Variants in PFKFB4 observed in about 807,000 individuals in gnomAD.
PFKFB4 encodes the protein 6-phosphofructo-2-kinase/fructose-2,6-bisphosphatase 4.
In PFKFB4, 42 loss-of-function variants were observed where a neutral mutation model predicts 62.8. That is an observed-to-expected ratio of 0.67 (90% CI 0.52 to 0.86). The LOEUF (loss-of-function observed/expected upper bound fraction) is 0.86. Among genes scored for constraint, PFKFB4 ranks in the 40% least tolerant of loss-of-function variants. PFKFB4 has a pLI of 0.00. For missense variants in PFKFB4, 475 were observed against 627.2 expected (o/e 0.76, Z 2.59); for synonymous variants, 204 against 240.7 (o/e 0.85, Z 1.41).
chr3:48,537,430 C>T (rs1036151632), intron 7 of PFKFB4, among the ~76,000 whole-genome samples: 1 of 151,608 alleles, frequency 6.6e-6, no homozygotes, highest in Non-Finnish European at 1.5e-5. Flanking sequence ...TGGGCTGGCT[C>T]TAGAACCCAG....
At chr3:48,555,632 C>T (rs1284898679) in intron 1 of PFKFB4, among the ~76,000 whole-genome samples, 5 of 152,158 alleles carry the variant, frequency 3.3e-5, no homozygotes, top group Non-Finnish European at 7.3e-5. Context: ...CCAGGACCCA[C>T]GCCTGTAATC....
At chr3:48,535,296 C>T (rs1480150646) in intron 9 of PFKFB4, among the ~76,000 whole-genome samples, 1 of 152,048 alleles carries the variant, frequency 6.6e-6, no homozygotes, top group Non-Finnish European at 1.5e-5. Context: ...GTTGAGGTGT[C>T]AACTCCCAGG....
chr3:48,540,776 ATT>A (rs34769393), intron 4 of PFKFB4, among the ~76,000 whole-genome samples: 38 of 136,542 alleles, frequency 2.8e-4, no homozygotes, highest in African/African-American at 4.9e-4. Flanking sequence ...TACCTGGCTA[ATT>A]TTTTTTTTTT....
chr3:48,549,911 A>C lies in PFKFB4; in HGVS notation c.264T>G (p.Ser88=). 6.2e-7 allele frequency: 1 copy of C among 1,613,868 alleles called. No homozygotes were observed. The highest frequency in any genetic ancestry group is 1.1e-5 in the South Asian group (1 of 91,086). Residue 88 remains serine (S), a synonymous_variant, in exon 3 of 14, where the codon TCT becomes TCG. Transcript: ENST00000232375. ...CATTGTCGGGGAGAAAAAATTCAAAAGATTTGTAGGTCTTGACCACGTCCC... is the reference window on the plus strand; with the variant it reads ...CATTGTCGGGGAGAAAAAATTCAAACGATTTGTAGGTCTTGACCACGTCCC... ...YRRDVVKTYK[S]FEFFLPDNEE...
intron 4 of PFKFB4, among the ~76,000 whole-genome samples, chr3:48,541,902 T>A (rs1296930770): frequency 1.3e-5 from 2 of 152,036 alleles, no homozygotes; most frequent in Non-Finnish European, 2.9e-5. Flanking sequence ...GGAGACAGGC[T>A]GCAGTGAGCT....
intron 9 of PFKFB4, among the ~76,000 whole-genome samples, chr3:48,534,978 T>C (rs146750281): frequency 4.7e-4 from 72 of 152,020 alleles, no homozygotes; most frequent in Non-Finnish European, 8.7e-4. Context: ...CTGGCTAATT[T>C]TTGTATTTTC....
chr3:48,559,577 G>A (rs770272127), upstream of PFKFB4: 34 of 456,902 alleles, frequency 7.4e-5, no homozygotes, highest in Non-Finnish European at 5.7e-5. Flanking sequence ...CAGCATCAGC[G>A]GATGCCCGGT....
At chr3:48,542,706 G>C (rs193177814) in intron 4 of PFKFB4, among the ~76,000 whole-genome samples, 2 of 152,186 alleles carry the variant, frequency 1.3e-5, no homozygotes, top group Non-Finnish European at 2.9e-5. Flanking sequence ...AAATCAGAAT[G>C]ACATGAGACT....
chr3:48,562,870 G>T (rs1388853531), upstream of PFKFB4: 4 of 1,597,870 alleles, frequency 2.5e-6, no homozygotes, highest in South Asian at 2.3e-5. This position sits in a 1 kb window ranked among gnomAD's most constrained non-coding sequence, Gnocchi z 4.3. Context: ...GCTCCAGTAA[G>T]ATCTGCAAGA....
chr3:48,523,963 G>A, intron 10 of PFKFB4, 133 bp from the exon 11 acceptor site: 1 of 1,024,940 alleles, frequency 9.8e-7, no homozygotes. Context: ...GCCTCCTCCA[G>A]CCTAGCCTTC....
chr3:48,541,982 A>G (rs2042813029), intron 4 of PFKFB4, among the ~76,000 whole-genome samples: 1 of 152,104 alleles, frequency 6.6e-6, no homozygotes, highest in African/African-American at 2.4e-5. Flanking sequence ...AAAAAACAAC[A>G]ACACTCATAT....
upstream of PFKFB4, among the ~76,000 whole-genome samples, chr3:48,561,410 T>G (rs2043432203): frequency 6.6e-6 from 1 of 152,200 alleles, no homozygotes; most frequent in Non-Finnish European, 1.5e-5. This position sits in a 1 kb window ranked among gnomAD's most constrained non-coding sequence, Gnocchi z 5.2. Flanking sequence ...CAGCCCAGAG[T>G]GCCTGCCCCC....
upstream of PFKFB4, chr3:48,562,485 C>G: frequency 2.3e-6 from 1 of 439,958 alleles, no homozygotes; most frequent in East Asian, 3.9e-5. The surrounding 1 kb of genome is among the most constrained non-coding windows in gnomAD (Gnocchi z 4.3). Flanking sequence ...CCAAGCTGTC[C>G]GGACATATAT....
rs1005360359 is a variant in PFKFB4 at position 48,522,004 on chromosome 3, C to T, written c.1332G>A (p.Thr444=). ...TTGCTACCTGAGGCCTGTCCCGGTG[C>T]GTGTTCACAGCAGCCACGTTCAGGA... The part of the protein sequence containing the change: ...SIFLNVAAVN[T]HRDRPQNVDI... Residue 444 remains threonine, a synonymous_variant, in exon 13 of 14, where the codon ACG becomes ACA. Coordinates refer to ENST00000232375, the MANE Select transcript of PFKFB4 (RefSeq NM_004567.4). 7 of 1,613,948 alleles carry T rather than the reference C, an allele frequency of 4.3e-6. No homozygotes were observed. The highest frequency in any genetic ancestry group is 3.3e-4 in the Middle Eastern group (2 of 6,082).
Position 48,556,625 on chromosome 3 carries a change from C to T in PFKFB4, c.97+56G>A. On this transcript the variant is annotated intron_variant, in intron 1 of 13. Transcript: ENST00000232375. The surrounding 1 kb of genome is among the most constrained non-coding windows in gnomAD (Gnocchi z 5.7). ...CCATGCGAGACCCCCGCCCAGGCCG[C>T]CCTACCCACCCATCCCGGTGCACCT... 6.6e-7 allele frequency: 1 copy of T among 1,516,616 alleles called. No homozygotes were observed. The highest frequency in any genetic ancestry group is 1.2e-5 in the South Asian group (1 of 84,412). The allele number at this position is 1,516,616 out of a possible 1,614,324, so 93.9% of individuals were successfully genotyped here.
chr3:48,529,020 C>CTTATTTAT (rs541772549), intron 9 of PFKFB4, among the ~76,000 whole-genome samples: 33 of 151,680 alleles, frequency 2.2e-4, no homozygotes, highest in African/African-American at 7.0e-4. Flanking sequence ...GAACTGTATA[C>CTTATTTAT]TTATTTATTT....
chr3:48,556,834 C>T, upstream of PFKFB4: 1 of 1,529,040 alleles, frequency 6.5e-7, no homozygotes, highest in Admixed American at 2.2e-5. This position sits in a 1 kb window ranked among gnomAD's most constrained non-coding sequence, Gnocchi z 5.7. Flanking sequence ...CGGGCCACCT[C>T]GGGCCACCCG....
At position 48,519,321 on chromosome 3, in the gene PFKFB4, T is replaced by G. The variant is rs1177268571; in HGVS notation, c.*426A>C. On this transcript the variant is annotated 3_prime_UTR_variant, in exon 14 of 14. Transcript: ENST00000232375. ...CAGGAAGTGGCCACAGAGAGGATGGTAGAGGCCCTGTGGAGAGTCACCAGG... is the reference window on the plus strand; with the variant it reads ...CAGGAAGTGGCCACAGAGAGGATGGGAGAGGCCCTGTGGAGAGTCACCAGG... The G allele has an allele frequency of 6.3e-6, 1 of 157,488 alleles. No individual in the cohort carries two copies. Among genetic ancestry groups the G allele is most frequent in the African/African-American group, 2.4e-5 (1 of 41,582 alleles). 9.8% of individuals were successfully genotyped at this position (157,488 alleles called of 1,614,324 possible). A position where few individuals can be genotyped will look rare whatever the true frequency, so the allele number is the denominator to read the frequency against.
intron 4 of PFKFB4, among the ~76,000 whole-genome samples, chr3:48,540,274 C>T (rs988905428): frequency 3.3e-5 from 5 of 152,280 alleles, no homozygotes; most frequent in South Asian, 4.1e-4. Context: ...CAGAGAGATC[C>T]ACGGTGACGG....
Sources: allele counts gnomAD v4.1 joint callset (sites outside exome capture counted in the v4.1 genomes callset), GRCh38; gene constraint gnomAD v4.1.1; non-coding constraint Gnocchi (gnomAD v3.1); transcripts MANE v1.5; gene names NCBI Gene and HGNC (gene_info 2026-07-23, HGNC 2026-07-21).